Variants in SLC24A3 observed in about 807,000 individuals in gnomAD.
SLC24A3 encodes sodium/potassium/calcium exchanger 3.
In SLC24A3, 28 loss-of-function variants were observed where a neutral mutation model predicts 75.8. The ratio of observed to expected loss-of-function variants is 0.37; its 90% CI spans 0.27 to 0.51. The LOEUF (loss-of-function observed/expected upper bound fraction) is 0.51, where lower values mean the gene tolerates loss of function less well. SLC24A3 is among the 20% of genes least tolerant of loss of function. SLC24A3 has a pLI of 0.94. For missense variants in SLC24A3, 663 were observed against 847.8 expected (o/e 0.78, Z 2.71); for synonymous variants, 372 against 334.1 (o/e 1.11, Z -1.24).
chr20:19,564,001 C>A (rs1227032526), intron 3 of SLC24A3, among the ~76,000 whole-genome samples: 2 of 152,040 alleles, frequency 1.3e-5, no homozygotes, highest in Non-Finnish European at 2.9e-5. Flanking sequence ...TTTCAAAGGC[C>A]TCTAGAAAAT....
At position 19,559,421 on chromosome 20, in the gene SLC24A3, T is replaced by C. The variant is rs2030838977; in HGVS notation, c.349-20579T>C. On this transcript the variant is annotated intron_variant, in intron 3 of 16. Transcript: ENST00000328041. ...CAGTCTATGGCCTGCATTTTCATTT[T>C]CTTAGCAGCATCTGTTGGAGAGCAA... Among the ~76,000 whole-genome samples, 4 of 152,232 alleles carry C rather than the reference T, an allele frequency of 2.6e-5. No homozygotes were observed. The South Asian group carries it at 8.3e-4, about 31-fold the overall frequency.
chr20:19,571,005 C>T (rs2031043248), intron 3 of SLC24A3, among the ~76,000 whole-genome samples: 1 of 152,034 alleles, frequency 6.6e-6, no homozygotes, highest in Non-Finnish European at 1.5e-5. Flanking sequence ...GTAGACGTTC[C>T]TCAAGTAGAA....
chr20:19,405,555 C>A (rs1055848291), intron 2 of SLC24A3, among the ~76,000 whole-genome samples: 3 of 152,182 alleles, frequency 2.0e-5, no homozygotes, highest in African/African-American at 7.2e-5. Context: ...GGCAGAATAG[C>A]GACTTGGGTT....
chr20:19,377,358 A>G (rs1441851252), intron 2 of SLC24A3, among the ~76,000 whole-genome samples: 3 of 152,200 alleles, frequency 2.0e-5, no homozygotes, highest in African/African-American at 7.2e-5. Flanking sequence ...AATAGAGCAC[A>G]GTAATCAAAA....
At chr20:19,275,038 T>A (rs1351908949) in intron 1 of SLC24A3, among the ~76,000 whole-genome samples, 1 of 152,222 alleles carries the variant, frequency 6.6e-6, no homozygotes, top group African/African-American at 2.4e-5. Flanking sequence ...AGTTTCTTCA[T>A]CTGCAAATGG....
In SLC24A3 at chr20:19,703,877, G is replaced by A. The variant is rs546654870; in HGVS notation, c.1719+5197G>A. ...ACTACCTCACAGAGGGGGTTACAGG[G>A]GCCCCAACCAAGGGCTTCTTTCTTT... On this transcript the variant is annotated intron_variant, in intron 15 of 16. Transcript: ENST00000328041. Among the ~76,000 whole-genome samples, 3 of 152,244 alleles carry A rather than the reference G, an allele frequency of 2.0e-5. No homozygotes were observed. The South Asian group carries it at 6.2e-4, about 32-fold the overall frequency.
intron 2 of SLC24A3, among the ~76,000 whole-genome samples, chr20:19,383,335 T>C (rs2424234): frequency 0.1 from 15,884 of 152,210 alleles, 1,181 homozygotes; most frequent in Non-Finnish European, 0.15. Context: ...CCAGAAAAGA[T>C]AGGGGAGACA....
intron 2 of SLC24A3, among the ~76,000 whole-genome samples, chr20:19,385,266 G>A (rs1986253448): frequency 6.6e-6 from 1 of 152,144 alleles, no homozygotes; most frequent in Non-Finnish European, 1.5e-5. Context: ...TCTTCTAGTA[G>A]TTTTAAAACA....
intron 2 of SLC24A3, among the ~76,000 whole-genome samples, chr20:19,494,977 G>A (rs1984571): frequency 0.27 from 41,380 of 152,102 alleles, 5,894 homozygotes; most frequent in East Asian, 0.5. Flanking sequence ...CAGGAAAGGA[G>A]GCAACAAAGG....
At chr20:19,214,391 A>C (rs1981496282) in intron 1 of SLC24A3, among the ~76,000 whole-genome samples, 1 of 152,166 alleles carries the variant, frequency 6.6e-6, no homozygotes, top group African/African-American at 2.4e-5. Flanking sequence ...GTCTACTGAC[A>C]GTCTCACTAA....
intron 2 of SLC24A3, among the ~76,000 whole-genome samples, chr20:19,296,306 G>T (rs1984059497): frequency 8.1e-6 from 1 of 122,862 alleles, no homozygotes; most frequent in Admixed American, 9.0e-5. Context: ...ATAGCTCCTG[G>T]ATTCATGGAT....
chr20:19,591,494 T>G (rs1055968847), intron 6 of SLC24A3, among the ~76,000 whole-genome samples: 14 of 25,464 alleles, frequency 5.5e-4, no homozygotes, highest in Non-Finnish European at 1.9e-3. Flanking sequence ...CTCATACTAG[T>G]TTTTTTTTTT....
At chr20:19,234,490 G>C (rs943472931) in intron 1 of SLC24A3, among the ~76,000 whole-genome samples, 1 of 152,242 alleles carries the variant, frequency 6.6e-6, no homozygotes, top group African/African-American at 2.4e-5. Context: ...ACCCTTCTAT[G>C]CTAGTGAAGC....
chr20:19,428,181 G>A (rs1987044638), intron 2 of SLC24A3, among the ~76,000 whole-genome samples: 1 of 152,164 alleles, frequency 6.6e-6, no homozygotes, highest in South Asian at 2.1e-4. Flanking sequence ...TCTGGTTGTG[G>A]GTATTGCAGT....
chr20:19,338,770 G>A (rs1985197116), intron 2 of SLC24A3, among the ~76,000 whole-genome samples: 1 of 152,152 alleles, frequency 6.6e-6, no homozygotes, highest in South Asian at 2.1e-4. Flanking sequence ...CTTATGATAT[G>A]GGGCTGCGAA....
At chr20:19,713,267 T>A (rs891128397) in intron 15 of SLC24A3, among the ~76,000 whole-genome samples, 6 of 152,204 alleles carry the variant, frequency 3.9e-5, no homozygotes, top group African/African-American at 1.4e-4. Flanking sequence ...TAAGATGGTA[T>A]AATTCTTCCA....
At chr20:19,618,435 T>C (rs1325713074) in intron 6 of SLC24A3, among the ~76,000 whole-genome samples, 4 of 152,232 alleles carry the variant, frequency 2.6e-5, no homozygotes, top group Non-Finnish European at 5.9e-5. Flanking sequence ...GCATGTATCC[T>C]AATTTCCTGT....
At chr20:19,625,708 T>C (rs1167777894) in intron 6 of SLC24A3, among the ~76,000 whole-genome samples, 1 of 152,234 alleles carries the variant, frequency 6.6e-6, no homozygotes, top group Non-Finnish European at 1.5e-5. Flanking sequence ...AGTTTCATTC[T>C]TTCTGGGAGC....
chr20:19,421,248 T>C (rs1177118072), intron 2 of SLC24A3, among the ~76,000 whole-genome samples: 2 of 96,430 alleles, frequency 2.1e-5, no homozygotes, highest in African/African-American at 8.4e-5. Context: ...ACCATCAGAG[T>C]GAACAGGCAA....
Sources: allele counts gnomAD v4.1 joint callset (sites outside exome capture counted in the v4.1 genomes callset), GRCh38; gene constraint gnomAD v4.1.1; transcripts MANE v1.5; gene names NCBI Gene and HGNC (gene_info 2026-07-23, HGNC 2026-07-21).